The following ROBO2 variants were observed in gnomAD, a reference collection of about 807,000 sequenced individuals.
ROBO2 encodes the protein roundabout guidance receptor 2, also known as roundabout homolog 2.
In ROBO2, 53 loss-of-function variants were observed where a neutral mutation model predicts 160.8. The ratio of observed to expected loss-of-function variants is 0.33; its 90% CI spans 0.26 to 0.41. The LOEUF (loss-of-function observed/expected upper bound fraction) is 0.41. ROBO2 is among the 10% of genes least tolerant of loss of function. The probability of loss-of-function intolerance (pLI) is 1.00; values close to 1 mark genes in which losing one functional copy is unlikely to be tolerated. For synonymous variants in ROBO2, 664 were observed against 611.7 expected, an observed-to-expected ratio of 1.09 and a Z score of -1.26; for missense variants, 1,577 against 1,722.4, an observed-to-expected ratio of 0.92 and a Z score of 1.49.
chr3:77,027,409 C>G (rs2063036973), intron 2 of ROBO2, among the ~76,000 whole-genome samples: 2 of 152,170 alleles, frequency 1.3e-5, no homozygotes, highest in South Asian at 4.1e-4. Flanking sequence ...ATAAGAGAGG[C>G]TGATACTTCC....
chr3:76,138,506 C>T (rs956257528), intron 2 of ROBO2, among the ~76,000 whole-genome samples: 1 of 151,944 alleles, frequency 6.6e-6, no homozygotes, highest in Non-Finnish European at 1.5e-5. Flanking sequence ...ATGTGTGGAA[C>T]AGAATGGCAC....
At chr3:76,352,500 T>A (rs2074936582) in intron 2 of ROBO2, among the ~76,000 whole-genome samples, 1 of 152,052 alleles carries the variant, frequency 6.6e-6, no homozygotes, top group African/African-American at 2.4e-5. Flanking sequence ...TATGTGGAGC[T>A]ACTTATAAAA....
chr3:76,870,116 T>C (rs1577147863), intron 2 of ROBO2, among the ~76,000 whole-genome samples: 1 of 152,190 alleles, frequency 6.6e-6, no homozygotes, highest in African/African-American at 2.4e-5. Flanking sequence ...CTAAGCAGTA[T>C]GGATTTCTAC....
intron 2 of ROBO2, among the ~76,000 whole-genome samples, chr3:76,965,684 A>G (rs1559774443): frequency 6.7e-6 from 1 of 149,460 alleles, no homozygotes. Context: ...AAAAAAAAAA[A>G]CTTCAGTAAA....
At chr3:76,962,417 T>A (rs1577872945) in intron 2 of ROBO2, among the ~76,000 whole-genome samples, 1 of 152,078 alleles carries the variant, frequency 6.6e-6, no homozygotes, top group Non-Finnish European at 1.5e-5. Context: ...GGCAGGCAGA[T>A]CACCTGAGGT....
chr3:77,529,251 T>A (rs2091441604), intron 6 of ROBO2, among the ~76,000 whole-genome samples: 2 of 151,444 alleles, frequency 1.3e-5, no homozygotes, highest in Admixed American at 1.3e-4. Flanking sequence ...CTTTTTCAGA[T>A]GACTATGGAA....
chr3:76,288,714 C>G (rs1185296562), intron 2 of ROBO2, among the ~76,000 whole-genome samples: 2 of 152,110 alleles, frequency 1.3e-5, no homozygotes, highest in African/African-American at 4.8e-5. Flanking sequence ...ATGTTTAGCT[C>G]TCACTCATAA....
chr3:76,374,169 G>A (rs1441454340), intron 2 of ROBO2, among the ~76,000 whole-genome samples: 7 of 151,864 alleles, frequency 4.6e-5, no homozygotes, highest in African/African-American at 1.7e-4. Context: ...CCCCTCCCAT[G>A]TTTTCATGGA....
rs560129951 is a variant in ROBO2 at position 76,030,789 on chromosome 3, G to A, written c.109+93187G>A. Among the ~76,000 whole-genome samples, 30 of 152,310 alleles carry A rather than the reference G, an allele frequency of 2.0e-4. 1 individual carries two copies. Among genetic ancestry groups the A allele is most frequent in the African/African-American group, 7.0e-4 (29 of 41,566 alleles). ...CTGTAGCCTTATAGTATAGTTTGAA[G>A]TCAGGTAGCGTGATGCCTCCAGCTT... is the stretch of plus-strand genomic sequence containing the variant. On this transcript the variant is annotated intron_variant, in intron 2 of 26. Transcript: ENST00000487694.
chr3:76,469,495 C>A (rs564387974), intron 2 of ROBO2, among the ~76,000 whole-genome samples: 47 of 152,192 alleles, frequency 3.1e-4, no homozygotes, highest in Non-Finnish European at 5.9e-4. Flanking sequence ...AAAAGGCTGG[C>A]AAGGCTTGTA....
chr3:76,566,591 T>C, intron 2 of ROBO2, among the ~76,000 whole-genome samples: 1 of 152,194 alleles, frequency 6.6e-6, no homozygotes, highest in East Asian at 1.9e-4. Flanking sequence ...GTAATTCTAT[T>C]ATAAAATAAA....
intron 2 of ROBO2, among the ~76,000 whole-genome samples, chr3:76,941,245 G>A (rs991828500): frequency 6.6e-6 from 1 of 151,836 alleles, no homozygotes; most frequent in African/African-American, 2.4e-5. Flanking sequence ...TGTTTACTTG[G>A]CTTCCTTGCT....
At chr3:76,856,237 T>C (rs774304209) in intron 2 of ROBO2, among the ~76,000 whole-genome samples, 5 of 152,250 alleles carry the variant, frequency 3.3e-5, no homozygotes, top group Admixed American at 6.5e-5. Flanking sequence ...AAAAATAATT[T>C]TGCATTATTT....
rs190534462 is a variant in ROBO2 at position 77,124,802 on chromosome 3, C to T, written c.388+26462C>T. Among the ~76,000 whole-genome samples, 10 of 152,176 alleles carry T rather than the reference C, an allele frequency of 6.6e-5. No individual in the cohort carries two copies. In the East Asian group the frequency reaches 1.4e-3, roughly 21 times the overall value. ...ATAAAGTATCCATTATAATTTCTTA[C>T]AGTTTCCAAGGTCTTACCCTCTCTT... On this transcript the variant is annotated intron_variant, in intron 2 of 25. Coordinates refer to ENST00000461745, the Ensembl canonical transcript of ROBO2.
chr3:76,492,818 G>A lies in ROBO2; in HGVS notation c.109+555216G>A, dbSNP rs534845392. Among the ~76,000 whole-genome samples the A allele has an allele frequency of 3.9e-5, 6 of 152,046 alleles. No homozygotes were observed. The East Asian group carries it at 7.7e-4, about 20-fold the overall frequency. On this transcript the variant is annotated intron_variant, in intron 2 of 26. Coordinates refer to the ROBO2 transcript ENST00000487694. ...ATGACAAACACAGCAGAAAGAACAC[G>A]ACTGAATGACTTCTTCATATTTTAT...
chr3:76,694,028 G>A (rs1418189410), intron 2 of ROBO2, among the ~76,000 whole-genome samples: 5 of 152,242 alleles, frequency 3.3e-5, no homozygotes, highest in Middle Eastern at 3.4e-3. Context: ...AGCTCTCCAC[G>A]TGCCTACATT....
chr3:76,802,510 C>A (rs1031066484), intron 2 of ROBO2, among the ~76,000 whole-genome samples: 6 of 152,018 alleles, frequency 3.9e-5, no homozygotes, highest in Admixed American at 1.3e-4. Context: ...GGGCGGATCA[C>A]AAAGTCAGGA....
intron 2 of ROBO2, among the ~76,000 whole-genome samples, chr3:76,767,185 A>G (rs1196846024): frequency 6.6e-6 from 1 of 151,580 alleles, no homozygotes; most frequent in Non-Finnish European, 1.5e-5. Context: ...CTACTACAAA[A>G]GCCTTTTAGT....
intron 2 of ROBO2, among the ~76,000 whole-genome samples, chr3:76,076,861 G>A (rs1311265744): frequency 6.6e-6 from 1 of 152,136 alleles, no homozygotes; most frequent in Non-Finnish European, 1.5e-5. Context: ...TACAACTTGG[G>A]TGACTTTAAC....
Sources: allele counts gnomAD v4.1 joint callset (sites outside exome capture counted in the v4.1 genomes callset), GRCh38; gene constraint gnomAD v4.1.1; transcripts MANE v1.5; gene names NCBI Gene and HGNC (gene_info 2026-07-23, HGNC 2026-07-21).